The following DNMT3A variants were observed in gnomAD, a reference collection of about 807,000 sequenced individuals.
DNMT3A encodes the protein DNA (cytosine-5)-methyltransferase 3A.
Under a neutral mutation model 117.6 loss-of-function variants are expected in DNMT3A, and 267 were observed. That is an observed-to-expected ratio of 2.27 (90% CI 2.05 to 2.51). The LOEUF is 2.51. Among genes scored for constraint, DNMT3A ranks in the 30% most tolerant of loss-of-function variants. The pLI, the probability that DNMT3A is intolerant of heterozygous loss-of-function variation, is 0.00. For missense variants in DNMT3A, 1,029 were observed against 1,260.2 expected (o/e 0.82, Z 2.78); for synonymous variants, 432 against 474.8 (o/e 0.91, Z 1.17).
chr2:25,275,125 G>T (rs1397585728), intron 5 of DNMT3A, 38 bp from the exon 6 acceptor site: 1 of 1,525,898 alleles, frequency 6.6e-7, no homozygotes, highest in Non-Finnish European at 8.8e-7. Flanking sequence ...ATTAGGGTGG[G>T]CACTGACGGA....
At chr2:25,313,196 C>T (rs559939521) in intron 2 of DNMT3A, among the ~76,000 whole-genome samples, 1 of 152,184 alleles carries the variant, frequency 6.6e-6, no homozygotes, top group Non-Finnish European at 1.5e-5. Flanking sequence ...GGACTCCCAT[C>T]AGTCTGATGT....
At chr2:25,314,818 C>T in intron 1 of DNMT3A, 1 of 629,632 alleles carries the variant, frequency 1.6e-6, no homozygotes, top group Non-Finnish European at 2.0e-6. Flanking sequence ...CCCCATGAAC[C>T]AGCCTCATTT....
chr2:25,325,233 G>C (rs1312604497), intron 1 of DNMT3A, among the ~76,000 whole-genome samples: 1 of 152,178 alleles, frequency 6.6e-6, no homozygotes, highest in Admixed American at 6.5e-5. Context: ...CCGTAAGGCA[G>C]CACCGATTTC....
chr2:25,308,395 ACC>A (rs1299608076), intron 2 of DNMT3A, among the ~76,000 whole-genome samples: 1 of 151,858 alleles, frequency 6.6e-6, no homozygotes, highest in Admixed American at 6.6e-5. Context: ...GGGCCAAACA[ACC>A]CCCATCCAAG....
intron 2 of DNMT3A, among the ~76,000 whole-genome samples, chr2:25,301,278 A>G (rs2033501126): frequency 1.4e-5 from 2 of 142,576 alleles, no homozygotes; most frequent in African/African-American, 2.6e-5. Context: ...AAAAAAAAAA[A>G]AGAAAATCAA....
rs539207677 is a variant in DNMT3A at position 25,252,183 on chromosome 2, C to A, written c.640-3931G>T. The A allele has an allele frequency of 1.0e-5, 16 of 1,566,436 alleles. No individual in the cohort carries two copies. The highest frequency in any genetic ancestry group is 1.4e-5 in the Non-Finnish European group (16 of 1,157,564). Reference sequence around the variant, plus strand: ...CCCCCGGTCTCCCCGGGGCTCCGTCCAGGAACCTACCCATAAGGCCAGGTG... The same window carrying A: ...CCCCCGGTCTCCCCGGGGCTCCGTCAAGGAACCTACCCATAAGGCCAGGTG... On this transcript the variant is annotated intron_variant, in intron 6 of 22. Transcript: ENST00000321117. The surrounding 1 kb of genome is among the most constrained non-coding windows in gnomAD (Gnocchi z 5.5).
chr2:25,255,801 G>C (rs923135224), intron 6 of DNMT3A, among the ~76,000 whole-genome samples: 2 of 152,146 alleles, frequency 1.3e-5, no homozygotes, highest in African/African-American at 4.8e-5. Flanking sequence ...CTGGGTCATT[G>C]AAGAGTCATG....
chr2:25,260,773 G>C (rs1409447292), intron 6 of DNMT3A, among the ~76,000 whole-genome samples: 1 of 152,120 alleles, frequency 6.6e-6, no homozygotes, highest in East Asian at 1.9e-4. Context: ...AGTTGGCCTG[G>C]GAGGGAGTGC....
chr2:25,233,000 G>A lies in DNMT3A; in HGVS notation c.*1279C>T. On this transcript the variant is annotated 3_prime_UTR_variant, in exon 23 of 23. Transcript: ENST00000321117. This position sits in a 1 kb window ranked among gnomAD's most constrained non-coding sequence, Gnocchi z 4.1. Reference sequence around the variant, plus strand: ...GTACGTTTTGTATGTTTTTTTATTTGCTCCAGGTGGGGTTTTGACTGTCAC... The same window carrying A: ...GTACGTTTTGTATGTTTTTTTATTTACTCCAGGTGGGGTTTTGACTGTCAC... 4.3e-6 allele frequency: 1 copy of A among 233,170 alleles called. No homozygotes were observed. Among genetic ancestry groups the A allele is most frequent in the Non-Finnish European group, 8.5e-6 (1 of 117,948 alleles). The allele number at this position is 233,170 out of a possible 1,614,324, so 14.4% of individuals were successfully genotyped here. A position where few individuals can be genotyped will look rare whatever the true frequency, so the allele number is the denominator to read the frequency against.
rs897022513 is a variant in DNMT3A at position 25,311,134 on chromosome 2, C to T, written c.72+2779G>A. Among the ~76,000 whole-genome samples the T allele has an allele frequency of 3.2e-3, 3 of 936 alleles. No individual in the cohort carries two copies. Among genetic ancestry groups the T allele is most frequent in the Non-Finnish European group, 7.5e-3 (3 of 402 alleles). The allele number at this position is 936 out of a possible 152,430, so 0.6% of individuals were successfully genotyped here. ...ATGGAGGCGGGGCTGGGGGCGGGGG[C>T]GGGGAGGGGGGGCGGCGGTGGGCAG... On this transcript the variant is annotated intron_variant, in intron 2 of 22. Coordinates refer to ENST00000321117, the MANE Select transcript of DNMT3A (RefSeq NM_022552.5). This position sits in a 1 kb window ranked among gnomAD's most constrained non-coding sequence, Gnocchi z 5.2.
Position 25,247,122 on chromosome 2 carries a change from AAAACGAGC to A in DNMT3A, c.1043_1050del (p.Ser348MetfsTer42). On this transcript the variant is annotated frameshift_variant, in exon 9 of 23. Coordinates refer to ENST00000321117, the MANE Select transcript of DNMT3A (RefSeq NM_022552.5). LOFTEE classifies it high-confidence loss of function. This position sits in a 1 kb window ranked among gnomAD's most constrained non-coding sequence, Gnocchi z 5.6. Reference sequence around the variant, plus strand: ...TACGTGGCCTGGTGGAACGCACTGCAAAACGAGCTCAGCGGCATCAGCTTCTCAACACA... The same window carrying A: ...TACGTGGCCTGGTGGAACGCACTGCATCAGCGGCATCAGCTTCTCAACACA... 1 of 1,614,100 alleles carries A rather than the reference AAAACGAGC, an allele frequency of 6.2e-7. No homozygotes were observed.
In DNMT3A at chr2:25,244,528, C is replaced by A; in HGVS notation, c.1667+12G>T. ...CAGCTAAGGAGACCACTGGAGGCCA[C>A]AACAGCCTCACCTGCAGCAGTTGTT... On this transcript the variant is annotated intron_variant, in intron 14 of 22. Coordinates refer to ENST00000321117, the MANE Select transcript of DNMT3A (RefSeq NM_022552.5). The A allele has an allele frequency of 3.7e-6, 6 of 1,613,712 alleles. 1 individual carries two copies. The South Asian group carries it at 5.5e-5, about 15-fold the overall frequency.
At position 25,274,730 on chromosome 2, in the gene DNMT3A, G is replaced by A. The variant is rs149698023; in HGVS notation, c.639+211C>T. 1.1e-4 allele frequency among the ~76,000 whole-genome samples: 16 copies of A among 152,352 alleles called. No individual in the cohort carries two copies. The East Asian group carries it at 2.3e-3, about 22-fold the overall frequency. ...TGTCAACTCCATGAGAGCAGGAACC[G>A]TATACGCCCAGGGTCTAGTACACAG... On this transcript the variant is annotated intron_variant, in intron 6 of 22. Coordinates refer to ENST00000321117, the MANE Select transcript of DNMT3A (RefSeq NM_022552.5).
intron 1 of DNMT3A, among the ~76,000 whole-genome samples, chr2:25,325,143 G>C (rs1351743369): frequency 1.3e-5 from 2 of 152,286 alleles, no homozygotes; most frequent in East Asian, 1.9e-4. Flanking sequence ...AAGTGAGCGG[G>C]GGGGGGATTT....
chr2:25,297,198 CGG>C (rs1479637074), intron 3 of DNMT3A, among the ~76,000 whole-genome samples: 1 of 152,138 alleles, frequency 6.6e-6, no homozygotes, highest in African/African-American at 2.4e-5. Flanking sequence ...CTGCTGTCCT[CGG>C]GGTCAGTCTT....
In DNMT3A at chr2:25,243,996, A is replaced by C; in HGVS notation, c.1852-14T>G. 6.4e-7 allele frequency: 1 copy of C among 1,551,598 alleles called. No homozygotes were observed. The highest frequency in any genetic ancestry group is 2.0e-5 in the Admixed American group (1 of 50,558). ...CTTTGGAGGGTCCTAAGCAGTGAGC[A>C]CAACAGGTCAGATGCAGGCCCAGCG... is the stretch of plus-strand genomic sequence containing the variant. On this transcript the variant is annotated splice_polypyrimidine_tract_variant and intron_variant, in intron 15 of 22. Transcript: ENST00000321117.
Position 25,339,091 on chromosome 2 carries a change from C to T in DNMT3A, c.-178+2735G>A, listed in dbSNP as rs2035315927. On this transcript the variant is annotated intron_variant, in intron 1 of 22. Transcript: ENST00000321117. This position sits in a 1 kb window ranked among gnomAD's most constrained non-coding sequence, Gnocchi z 4.9. ...CCTTCCCAAGGCCCAACTCGCTGGGCGCCCTGATCTCTCTCATATCTCCTT... is the reference window on the plus strand; with the variant it reads ...CCTTCCCAAGGCCCAACTCGCTGGGTGCCCTGATCTCTCTCATATCTCCTT... 6.6e-6 allele frequency among the ~76,000 whole-genome samples: 1 copy of T among 152,000 alleles called. No homozygotes were observed. Among genetic ancestry groups the T allele is most frequent in the Non-Finnish European group, 1.5e-5 (1 of 68,004 alleles).
In DNMT3A at chr2:25,249,617, C is replaced by T. The variant is rs764807654; in HGVS notation, c.640-1365G>A. On this transcript the variant is annotated intron_variant, in intron 6 of 22. Coordinates refer to ENST00000321117, the MANE Select transcript of DNMT3A (RefSeq NM_022552.5). ...CCCACCAACAAATTAATAAGCCAAA[C>T]CCCAGTTATTCTCCCATTGCACAGC... 16 of 1,613,090 alleles carry T rather than the reference C, an allele frequency of 9.9e-6. No homozygotes were observed. The South Asian group carries it at 1.8e-4, about 18-fold the overall frequency.
Position 25,237,375 on chromosome 2 carries a change from T to C in DNMT3A, c.2409-370A>G, listed in dbSNP as rs946542822. On this transcript the variant is annotated intron_variant, in intron 20 of 22. Coordinates refer to ENST00000321117, the MANE Select transcript of DNMT3A (RefSeq NM_022552.5). This position sits in a 1 kb window ranked among gnomAD's most constrained non-coding sequence, Gnocchi z 5.4. The stretch of plus-strand genomic sequence containing the variant: ...CCCACTGCGAAGCAAGCTTTGGGGG[T>C]GACAATGTTCTGTATCTTGATTTGT... Among the ~76,000 whole-genome samples the C allele has an allele frequency of 3.9e-5, 6 of 152,138 alleles. No homozygotes were observed. The highest frequency in any genetic ancestry group is 8.8e-5 in the Non-Finnish European group (6 of 68,024).
Sources: gnomAD v4.1 joint callset for allele counts (sites outside exome capture counted in the v4.1 genomes callset) on GRCh38, gnomAD v4.1.1 for gene constraint, Gnocchi (gnomAD v3.1) non-coding constraint, MANE v1.5 for transcripts, NCBI Gene and HGNC (gene_info 2026-07-23, HGNC 2026-07-21) for gene names.